The following AMD1 variants were observed in gnomAD, a reference collection of about 807,000 sequenced individuals.
AMD1 encodes S-adenosylmethionine decarboxylase proenzyme.
In AMD1, 11 loss-of-function variants were observed where a neutral mutation model predicts 40.2. The observed-to-expected ratio is 0.27, with a 90% CI of 0.17 to 0.45. The LOEUF (loss-of-function observed/expected upper bound fraction) is 0.45, where lower values mean the gene tolerates loss of function less well. AMD1 is among the 20% of genes least tolerant of loss of function. The pLI is 1.00. For missense variants in AMD1, 257 were observed against 410.2 expected (o/e 0.63, Z 3.23); for synonymous variants, 121 against 130.8 (o/e 0.93, Z 0.51).
At chr6:110,837,713 GAAAAAAAAAAAAAAAAAAAA>G in the AMD1 span, among the ~76,000 whole-genome samples, 2 of 19,910 alleles carry the variant, frequency 1.0e-4, no homozygotes, top group African/African-American at 3.8e-4. Flanking sequence ...CTCCATCTCA[GAAAAAAAAAAAAAAAAAAAA>G]AAAAAAAAAA....
At chr6:110,852,370 C>T in the AMD1 span, among the ~76,000 whole-genome samples, 3 of 151,686 alleles carry the variant, frequency 2.0e-5, no homozygotes, top group Non-Finnish European at 4.4e-5. Context: ...TACAGGCACA[C>T]GCCACCAAGT....
At chr6:110,881,159 A>T (rs138500076) in intron 1 of AMD1, among the ~76,000 whole-genome samples, 79 of 152,274 alleles carry the variant, frequency 5.2e-4, no homozygotes, top group African/African-American at 1.8e-3. Flanking sequence ...ATGATCTCTG[A>T]TTATATTTAA....
In AMD1 at chr6:110,893,715, C is replaced by T; in HGVS notation, c.*99C>T. On this transcript the variant is annotated 3_prime_UTR_variant, in exon 9 of 9. Coordinates refer to ENST00000368885, the MANE Select transcript of AMD1 (RefSeq NM_001634.6). ...CTGGGGGCAGTGCTTTCCATAACCA[C>T]CACTGTGTAGTTGCAGAAAGCCCTA... 7.4e-7 allele frequency: 1 copy of T among 1,347,762 alleles called. No individual in the cohort carries two copies. Among genetic ancestry groups the T allele is most frequent in the South Asian group, 1.3e-5 (1 of 75,242 alleles). The allele number at this position is 1,347,762 out of a possible 1,614,324, so 83.5% of individuals were successfully genotyped here.
At chr6:110,835,854 A>G in the AMD1 span, among the ~76,000 whole-genome samples, 2 of 151,238 alleles carry the variant, frequency 1.3e-5, no homozygotes, top group Non-Finnish European at 2.9e-5. Flanking sequence ...AACAAGAGCA[A>G]GACTCCATCC....
chr6:110,837,730 AAAAAAAAAAAAAAAAAT>A, the AMD1 span, among the ~76,000 whole-genome samples: 2 of 110,568 alleles, frequency 1.8e-5, no homozygotes, highest in African/African-American at 7.5e-5. Context: ...AAAAAAAAAA[AAAAAAAAAAAAAAAAAT>A]ATATATATAT....
chr6:110,830,927 T>C, the AMD1 span, among the ~76,000 whole-genome samples: 1 of 152,208 alleles, frequency 6.6e-6, no homozygotes, highest in Non-Finnish European at 1.5e-5. Context: ...TTTTTATTTT[T>C]AATTTTTTTG....
chr6:110,875,460 G>A (rs1583208428), intron 1 of AMD1: 1 of 432,020 alleles, frequency 2.3e-6, no homozygotes, highest in Non-Finnish European at 4.1e-6. Flanking sequence ...AGGGGAGGAG[G>A]CCGGCGCGGC....
At chr6:110,863,280 A>C in the AMD1 span, among the ~76,000 whole-genome samples, 2 of 149,192 alleles carry the variant, frequency 1.3e-5, no homozygotes, top group Admixed American at 6.7e-5. Flanking sequence ...ATGAGTCTCG[A>C]TTGTAGATAC....
At chr6:110,834,965 T>C in the AMD1 span, among the ~76,000 whole-genome samples, 1 of 147,564 alleles carries the variant, frequency 6.8e-6, no homozygotes, top group Non-Finnish European at 1.5e-5. Flanking sequence ...AAAAAATCTA[T>C]AGTTAGAAAA....
chr6:110,858,244 C>T, the AMD1 span: 2,811 of 942,668 alleles, frequency 3.0e-3, 72 homozygotes, highest in African/African-American at 0.042. Flanking sequence ...CAGCCATGAG[C>T]TCCACGCAGT....
chr6:110,820,951 G>A, the AMD1 span, among the ~76,000 whole-genome samples: 1 of 152,010 alleles, frequency 6.6e-6, no homozygotes, highest in Non-Finnish European at 1.5e-5. Context: ...AAACTAAATG[G>A]GACCAGACAA....
At chr6:110,888,321 CT>C (rs952213245) in intron 2 of AMD1, 69 of 151,266 alleles carry the variant, frequency 4.6e-4, no homozygotes, top group South Asian at 6.3e-4. Context: ...CCCTCCCCCC[CT>C]TTTTTTTTCT....
the AMD1 span, among the ~76,000 whole-genome samples, chr6:110,840,142 T>C: frequency 6.6e-6 from 1 of 151,310 alleles, no homozygotes; most frequent in Non-Finnish European, 1.5e-5. Flanking sequence ...CTCAGCCTCC[T>C]GAGTAGCTGG....
At chr6:110,835,021 ATTT>A in the AMD1 span, among the ~76,000 whole-genome samples, 1 of 131,726 alleles carries the variant, frequency 7.6e-6, no homozygotes, top group African/African-American at 2.8e-5. Flanking sequence ...TGCGGATACT[ATTT>A]TTTTTTTTTT....
In AMD1 at chr6:110,895,011, A is replaced by G. The variant is rs1490941519; in HGVS notation, c.*1395A>G. The G allele has an allele frequency of 6.6e-6, 1 of 152,242 alleles. No homozygotes were observed. Among genetic ancestry groups the G allele is most frequent in the African/African-American group, 2.4e-5 (1 of 41,478 alleles). The allele number at this position is 152,242 out of a possible 1,614,324, so 9.4% of individuals were successfully genotyped here. On this transcript the variant is annotated 3_prime_UTR_variant, in exon 9 of 9. Transcript: ENST00000368885. ...TACTCAATGGGAAATGACTAGTAAT[A>G]TAGGCTTTCAAGAGTTGGTACCTTT...
In AMD1 at chr6:110,874,955, A is replaced by T. The variant is rs990547310; in HGVS notation, c.-151A>T. ...ATTTTATTAGTCCTTTTTTTAAAAA[A>T]AGTTAATATAAAATTATAGCAAAAA... On this transcript the variant is annotated 5_prime_UTR_variant, in exon 1 of 9. Coordinates refer to ENST00000368885, the MANE Select transcript of AMD1 (RefSeq NM_001634.6). The T allele has an allele frequency of 8.3e-6, 5 of 604,994 alleles. No homozygotes were observed. The highest frequency in any genetic ancestry group is 3.1e-5 in the Admixed American group (1 of 32,670). 37.5% of individuals were successfully genotyped at this position (604,994 alleles called of 1,614,324 possible).
chr6:110,892,586 A>G, intron 6 of AMD1, 143 bp downstream of exon 6: 1 of 1,404,692 alleles, frequency 7.1e-7, no homozygotes, highest in Non-Finnish European at 9.8e-7. Flanking sequence ...TTTGTCGTAC[A>G]CAGTATTTCG....
chr6:110,862,395 T>A, the AMD1 span, among the ~76,000 whole-genome samples: 1 of 151,494 alleles, frequency 6.6e-6, no homozygotes, highest in African/African-American at 2.4e-5. Context: ...ATGATGGTCT[T>A]TTATCCTTGG....
chr6:110,833,182 T>A, the AMD1 span, among the ~76,000 whole-genome samples: 7 of 152,208 alleles, frequency 4.6e-5, no homozygotes, highest in African/African-American at 1.7e-4. Flanking sequence ...TATGTCTATT[T>A]CATTCACCAA....
Sources: allele counts gnomAD v4.1 joint callset (sites outside exome capture counted in the v4.1 genomes callset), GRCh38; gene constraint gnomAD v4.1.1; transcripts MANE v1.5; gene names NCBI Gene and HGNC (gene_info 2026-07-23, HGNC 2026-07-21).